Variants in CDH18 observed in about 807,000 individuals in gnomAD.
The protein encoded by CDH18 is cadherin-18.
A neutral mutation model predicts 67.9 loss-of-function variants in CDH18; 31 were observed. The ratio of observed to expected loss-of-function variants is 0.46; its 90% CI spans 0.34 to 0.62. The LOEUF is 0.62. Among genes scored for constraint, CDH18 ranks in the 20% least tolerant of loss-of-function variants. The pLI is 0.01. For synonymous variants in CDH18, 362 were observed against 347.2 expected (o/e 1.04, Z -0.48); for missense variants, 890 against 975.5 (o/e 0.91, Z 1.17).
intron 2 of CDH18, among the ~76,000 whole-genome samples, chr5:19,897,092 T>C (rs1452264195): frequency 6.6e-6 from 1 of 152,010 alleles, no homozygotes; most frequent in Non-Finnish European, 1.5e-5. Context: ...AGGTAAAATA[T>C]ATTAAACTAA....
At chr5:20,167,855 C>G (rs947260236) in intron 2 of CDH18, among the ~76,000 whole-genome samples, 7 of 152,170 alleles carry the variant, frequency 4.6e-5, no homozygotes, top group Non-Finnish European at 1.0e-4. Context: ...TGCCTGATAT[C>G]TCTTGCCAGG....
intron 1 of CDH18, among the ~76,000 whole-genome samples, chr5:20,315,140 C>G (rs994582565): frequency 6.6e-6 from 1 of 152,002 alleles, no homozygotes; most frequent in African/African-American, 2.4e-5. Flanking sequence ...TTGCATGTCT[C>G]CTCCCATCTC....
chr5:20,003,782 C>T (rs1441678814), intron 2 of CDH18, among the ~76,000 whole-genome samples: 1 of 152,048 alleles, frequency 6.6e-6, no homozygotes, highest in Admixed American at 6.5e-5. Flanking sequence ...CCTGTAGTCC[C>T]AGCTACTCGG....
intron 3 of CDH18, among the ~76,000 whole-genome samples, chr5:19,821,406 C>CAAAAAAAAAAAAAAA (rs566178728): frequency 6.4e-5 from 6 of 93,326 alleles, no homozygotes; most frequent in Non-Finnish European, 4.7e-5. Context: ...AAACAAAAAA[C>CAAAAAAAAAAAAAAA]AAAAAAAAAA....
rs778509722 is a variant in CDH18, at chr5:20,065,913, A to AT, written c.-517-73900dup. On this transcript the variant is annotated intron_variant, in intron 2 of 14. Coordinates refer to the CDH18 transcript ENST00000507958. ...AAAGGCAATCCTCACAGTGTTTAAC[A>AT]TAAGTTTATATTTTGCTAAATATAT... Among the ~76,000 whole-genome samples the AT allele has an allele frequency of 1.2e-4, 18 of 152,148 alleles. 1 individual carries two copies. Among genetic ancestry groups the AT allele is most frequent in the Admixed American group, 2.0e-4 (3 of 15,248 alleles).
At chr5:19,543,375 C>A (rs941021799) in intron 9 of CDH18, among the ~76,000 whole-genome samples, 1 of 151,974 alleles carries the variant, frequency 6.6e-6, no homozygotes, top group South Asian at 2.1e-4. Context: ...TTGAAGAGAG[C>A]CTAAACCTGG....
chr5:20,260,461 T>C (rs1262471982), intron 1 of CDH18, among the ~76,000 whole-genome samples: 3 of 152,024 alleles, frequency 2.0e-5, no homozygotes, highest in Non-Finnish European at 4.4e-5. Context: ...TTATACTGAC[T>C]TGATGATATT....
chr5:20,092,129 A>C (rs1376815202), intron 2 of CDH18, among the ~76,000 whole-genome samples: 3 of 152,158 alleles, frequency 2.0e-5, no homozygotes, highest in Non-Finnish European at 4.4e-5. Flanking sequence ...ATACCTCAGA[A>C]TCATTTCAAC....
chr5:19,729,032 C>T (rs956153934), intron 4 of CDH18, among the ~76,000 whole-genome samples: 1 of 152,112 alleles, frequency 6.6e-6, no homozygotes, highest in Non-Finnish European at 1.5e-5. Flanking sequence ...TCTGCAAGTA[C>T]ACATATGAAA....
chr5:20,459,621 A>G (rs544626546), intron 1 of CDH18, among the ~76,000 whole-genome samples: 170 of 152,276 alleles, frequency 1.1e-3, no homozygotes, highest in African/African-American at 4.0e-3. Flanking sequence ...TGTACTGAAC[A>G]TAATTATATG....
intron 1 of CDH18, among the ~76,000 whole-genome samples, chr5:20,417,713 A>G (rs1560981348): frequency 6.6e-6 from 1 of 152,172 alleles, no homozygotes; most frequent in Non-Finnish European, 1.5e-5. Context: ...CCAAAATCAC[A>G]TAAAATATGG....
intron 2 of CDH18, among the ~76,000 whole-genome samples, chr5:19,845,951 T>C (rs1782895788): frequency 6.6e-6 from 1 of 152,054 alleles, no homozygotes; most frequent in African/African-American, 2.4e-5. Context: ...AGCTTATTTT[T>C]ATTCATTCAG....
chr5:19,961,100 ATTT>A (rs564003434), intron 2 of CDH18, among the ~76,000 whole-genome samples: 3,935 of 109,734 alleles, frequency 0.036, 189 homozygotes, highest in African/African-American at 0.12. Flanking sequence ...CTACATTATA[ATTT>A]TTTTTTTTTT....
At chr5:19,625,506 G>A (rs950251672) in intron 5 of CDH18, among the ~76,000 whole-genome samples, 3 of 152,038 alleles carry the variant, frequency 2.0e-5, no homozygotes, top group African/African-American at 7.2e-5. Flanking sequence ...GAATCTAGAA[G>A]TCTGAAATCA....
intron 1 of CDH18, among the ~76,000 whole-genome samples, chr5:20,490,541 T>A (rs1371237817): frequency 6.6e-6 from 1 of 152,120 alleles, no homozygotes; most frequent in East Asian, 1.9e-4. Flanking sequence ...GTAAATATGA[T>A]AATAAAAATA....
At chr5:20,018,593 T>C (rs1298795924) in intron 2 of CDH18, among the ~76,000 whole-genome samples, 2 of 152,138 alleles carry the variant, frequency 1.3e-5, no homozygotes, top group Non-Finnish European at 2.9e-5. Flanking sequence ...AAATATGAGA[T>C]ATCTATGACT....
At chr5:20,486,141 T>C (rs572697672) in intron 1 of CDH18, among the ~76,000 whole-genome samples, 6 of 152,276 alleles carry the variant, frequency 3.9e-5, no homozygotes, top group African/African-American at 1.2e-4. Context: ...CCAGTTCTAA[T>C]TGTAAATGTG....
At chr5:19,990,972 G>A (rs1323460337), upstream of CDH18, among the ~76,000 whole-genome samples, 3 of 152,176 alleles carry the variant, frequency 2.0e-5, no homozygotes, top group Non-Finnish European at 4.4e-5. Context: ...GGACATTTCT[G>A]ATACTGAATT....
intron 1 of CDH18, among the ~76,000 whole-genome samples, chr5:20,544,707 A>G (rs4263499): frequency 0.45 from 68,348 of 151,560 alleles, 15,646 homozygotes; most frequent in East Asian, 0.57. Flanking sequence ...TCCCACCCTC[A>G]ACGTGTGAGG....
Sources: gnomAD v4.1 joint callset for allele counts (sites outside exome capture counted in the v4.1 genomes callset) on GRCh38, gnomAD v4.1.1 for gene constraint, MANE v1.5 for transcripts, NCBI Gene and HGNC (gene_info 2026-07-23, HGNC 2026-07-21) for gene names.